TRPM3: variants seen among roughly 807,000 people sequenced by gnomAD.
TRPM3 encodes the protein long transient receptor potential channel 3.
A neutral mutation model predicts 181.2 loss-of-function variants in TRPM3; 77 were observed. The observed-to-expected ratio is 0.42, with a 90% confidence interval of 0.35 to 0.51. TRPM3 has a LOEUF of 0.51. Ranked by LOEUF, TRPM3 falls within the 20% of genes least tolerant of loss-of-function variation. The pLI is 0.01. For missense variants in TRPM3, 1,759 were observed against 2,196.7 expected (o/e 0.80, Z 3.98); for synonymous variants, 745 against 796.4 (o/e 0.94, Z 1.09).
intron 9 of TRPM3, among the ~76,000 whole-genome samples, chr9:70,642,177 T>C (rs1257942374): frequency 6.6e-6 from 1 of 152,192 alleles, no homozygotes; most frequent in East Asian, 1.9e-4. Context: ...GGCACTTCCA[T>C]ATGTCATATG....
chr9:71,315,364 C>G (rs1335465203), intron 1 of TRPM3, among the ~76,000 whole-genome samples: 1 of 152,022 alleles, frequency 6.6e-6, no homozygotes, highest in Non-Finnish European at 1.5e-5. Flanking sequence ...GCATATAAAA[C>G]CAGTTATTGC....
At chr9:70,806,493 C>G (rs540763896) in intron 6 of TRPM3, among the ~76,000 whole-genome samples, 1 of 152,052 alleles carries the variant, frequency 6.6e-6, no homozygotes, top group East Asian at 1.9e-4. Context: ...GAGTTTGAGA[C>G]CAGCCTGGCC....
chr9:70,610,041 A>T (rs1386778720), intron 19 of TRPM3, among the ~76,000 whole-genome samples: 1 of 152,230 alleles, frequency 6.6e-6, no homozygotes, highest in Non-Finnish European at 1.5e-5. Flanking sequence ...TGTGCAAACT[A>T]AACAATATTT....
chr9:70,562,073 C>T (rs75683414), intron 22 of TRPM3, among the ~76,000 whole-genome samples: 2 of 152,136 alleles, frequency 1.3e-5, no homozygotes, highest in Non-Finnish European at 2.9e-5. Context: ...TCAAATGATA[C>T]TGATTTTCAA....
chr9:71,079,078 G>A (rs1591242759), intron 1 of TRPM3, among the ~76,000 whole-genome samples: 1 of 152,078 alleles, frequency 6.6e-6, no homozygotes, highest in African/African-American at 2.4e-5. Flanking sequence ...TGAATTCTTG[G>A]GGAGGCAGGG....
At chr9:71,146,767 T>C (rs540743217) in intron 1 of TRPM3, among the ~76,000 whole-genome samples, 12 of 152,286 alleles carry the variant, frequency 7.9e-5, no homozygotes, top group Non-Finnish European at 1.6e-4. Flanking sequence ...TTCTTGAAGA[T>C]CTCAGCAGCT....
chr9:70,636,666 G>A (rs2057250952), intron 11 of TRPM3, among the ~76,000 whole-genome samples: 1 of 147,668 alleles, frequency 6.8e-6, no homozygotes, highest in Admixed American at 6.8e-5. Context: ...CTGGTGAGAT[G>A]ATTAGATAAT....
intron 7 of TRPM3, among the ~76,000 whole-genome samples, chr9:70,778,380 A>G (rs1452382193): frequency 6.6e-6 from 1 of 152,280 alleles, no homozygotes; most frequent in East Asian, 1.9e-4. Context: ...TCCTCATTAT[A>G]AAGTTCTTGA....
In TRPM3 at chr9:70,532,229, CAGAA is replaced by C. The variant is rs1274093665; in HGVS notation, c.*3720_*3723del. 1 of 152,180 alleles carries C rather than the reference CAGAA, an allele frequency of 6.6e-6. No homozygotes were observed. The highest frequency in any genetic ancestry group is 6.5e-5 in the Admixed American group (1 of 15,294). The allele number at this position is 152,180 out of a possible 1,614,324, so 9.4% of individuals were successfully genotyped here. A position where few individuals can be genotyped will look rare whatever the true frequency, so the allele number is the denominator to read the frequency against. On this transcript the variant is annotated 3_prime_UTR_variant, in exon 26 of 26. Transcript: ENST00000677713. ...TCAGGAAGATTAGACTGTACAGACT[CAGAA>C]AGTAAAAAAGTACTATCCAGTTATC...
chr9:71,083,851 T>C (rs1307136280), intron 1 of TRPM3, among the ~76,000 whole-genome samples: 1 of 151,792 alleles, frequency 6.6e-6, no homozygotes, highest in African/African-American at 2.4e-5. Context: ...ATGCAGTGTG[T>C]ATATATATCT....
intron 1 of TRPM3, among the ~76,000 whole-genome samples, chr9:70,921,914 A>ACT (rs1232108541): frequency 3.2e-3 from 148 of 45,956 alleles, no homozygotes; most frequent in African/African-American, 0.014. Flanking sequence ...GTTGGCAGCC[A>ACT]CTATACACAC....
chr9:71,102,893 A>T (rs968749319), intron 1 of TRPM3, among the ~76,000 whole-genome samples: 23 of 152,336 alleles, frequency 1.5e-4, no homozygotes, highest in African/African-American at 5.5e-4. Context: ...GACATGGTCA[A>T]AAATATTTAT....
intron 1 of TRPM3, among the ~76,000 whole-genome samples, chr9:71,200,281 C>G (rs964926096): frequency 1.6e-4 from 24 of 151,642 alleles, no homozygotes; most frequent in African/African-American, 5.3e-4. Context: ...CTGAGGAGAG[C>G]TTTATTTCCA....
intron 1 of TRPM3, among the ~76,000 whole-genome samples, chr9:71,375,884 T>C (rs559474916): frequency 2.0e-5 from 3 of 152,264 alleles, no homozygotes; most frequent in African/African-American, 7.2e-5. Flanking sequence ...TTTAGACATA[T>C]TATTGCATAC....
chr9:71,398,483 G>A (rs936482841), intron 1 of TRPM3, among the ~76,000 whole-genome samples: 1 of 152,170 alleles, frequency 6.6e-6, no homozygotes, highest in Non-Finnish European at 1.5e-5. Flanking sequence ...GAGGTGATTG[G>A]ATCATGGGGG....
chr9:70,928,064 T>C (rs2096739042), intron 1 of TRPM3, among the ~76,000 whole-genome samples: 1 of 152,220 alleles, frequency 6.6e-6, no homozygotes, highest in Non-Finnish European at 1.5e-5. Flanking sequence ...CCCATATTTG[T>C]AGGCCATCTG....
chr9:71,407,826 G>C (rs2093466410), intron 1 of TRPM3, among the ~76,000 whole-genome samples: 1 of 152,306 alleles, frequency 6.6e-6, no homozygotes, highest in Admixed American at 6.5e-5. Flanking sequence ...CCTCCCAATA[G>C]GGGCCAACTG....
At chr9:70,559,453 G>A (rs149865783) in intron 22 of TRPM3, among the ~76,000 whole-genome samples, 1 of 152,154 alleles carries the variant, frequency 6.6e-6, no homozygotes, top group Admixed American at 6.5e-5. Flanking sequence ...AATTGCCAAG[G>A]TTAAAGCAAT....
In TRPM3 at chr9:70,841,650, AT is replaced by A. The variant is rs1564540114; in HGVS notation, c.801+1352del. ...TATATATATATATATATATATATATATATATATATATCCCACCATATATATG... is the reference window on the plus strand; with the variant it reads ...TATATATATATATATATATATATATAATATATATATCCCACCATATATATG... On this transcript the variant is annotated intron_variant, in intron 5 of 25. Transcript: ENST00000677713. 2.4e-3 allele frequency among the ~76,000 whole-genome samples: 298 copies of A among 124,302 alleles called. 6 individuals carry two copies. In the South Asian group the frequency reaches 0.043, roughly 18 times the overall value. 81.5% of individuals were successfully genotyped at this position (124,302 alleles called of 152,430 possible).
Sources: gnomAD v4.1 joint callset for allele counts (sites outside exome capture counted in the v4.1 genomes callset) on GRCh38, gnomAD v4.1.1 for gene constraint, MANE v1.5 for transcripts, NCBI Gene and HGNC (gene_info 2026-07-23, HGNC 2026-07-21) for gene names.